AKAP6: variants seen among roughly 807,000 people sequenced by gnomAD.
AKAP6 encodes the protein A-kinase anchor protein 6.
In AKAP6, 58 loss-of-function variants were observed where a neutral mutation model predicts 188.5. The ratio of observed to expected loss-of-function variants is 0.31; its 90% CI spans 0.25 to 0.38. AKAP6 has a LOEUF of 0.38. Ranked by LOEUF, AKAP6 falls within the 10% of genes least tolerant of loss-of-function variation. AKAP6 has a pLI of 1.00. For synonymous variants in AKAP6, 989 were observed against 998.6 expected, an observed-to-expected ratio of 0.99 and a Z score of 0.18; for missense variants, 2,710 against 2,740.0, an observed-to-expected ratio of 0.99 and a Z score of 0.24.
rs146139124 is a variant in AKAP6, at chr14:32,571,195, G to T, written c.2347-5925G>T. On this transcript the variant is annotated intron_variant, in intron 4 of 13. Transcript: ENST00000280979. ...AGATGAGAGCATAATAGTTTAAAAGGTTCAACAGCAGAAGCTGACTTTTTT... is the reference window on the plus strand; with the variant it reads ...AGATGAGAGCATAATAGTTTAAAAGTTTCAACAGCAGAAGCTGACTTTTTT... Among the ~76,000 whole-genome samples, 508 of 151,720 alleles carry T rather than the reference G, an allele frequency of 3.3e-3. 1 individual carries two copies. Among genetic ancestry groups the T allele is most frequent in the African/African-American group, 0.012 (492 of 41,164 alleles).
chr14:32,409,066 G>A (rs549078918), intron 1 of AKAP6, among the ~76,000 whole-genome samples: 7 of 152,240 alleles, frequency 4.6e-5, no homozygotes, highest in Admixed American at 2.6e-4. Flanking sequence ...CAGGCATGGT[G>A]GCATACGCTT....
chr14:32,357,105 A>G (rs1471709876), intron 1 of AKAP6, among the ~76,000 whole-genome samples: 1 of 152,176 alleles, frequency 6.6e-6, no homozygotes, highest in Non-Finnish European at 1.5e-5. Context: ...AACTCTTACC[A>G]TGTGTAGTCA....
rs141819462 is a variant in AKAP6, at chr14:32,513,902, C to T, written c.325-21652C>T. Among the ~76,000 whole-genome samples, 305 of 152,132 alleles carry T rather than the reference C, an allele frequency of 2.0e-3. 7 individuals are homozygous for T. In the East Asian group the frequency reaches 0.051, roughly 26 times the overall value. On this transcript the variant is annotated intron_variant, in intron 2 of 13. Transcript: ENST00000280979. ...AATATGCCTTGAACATCTTCTGATG[C>T]GATTAAATATATTTTACAATGTTTT...
chr14:32,425,908 ATGAAATCTT>A (rs985512382), intron 1 of AKAP6, among the ~76,000 whole-genome samples: 1 of 152,190 alleles, frequency 6.6e-6, no homozygotes, highest in Non-Finnish European at 1.5e-5. Flanking sequence ...TGTCTTCATC[ATGAAATCTT>A]TGCCCATGCC....
At chr14:32,681,761 C>A (rs1889687110) in intron 8 of AKAP6, among the ~76,000 whole-genome samples, 1 of 150,326 alleles carries the variant, frequency 6.7e-6, no homozygotes, top group African/African-American at 2.5e-5. Flanking sequence ...CTCACTGCAG[C>A]CACAGCTTCT....
intron 1 of AKAP6, among the ~76,000 whole-genome samples, chr14:32,409,017 T>C (rs1415875973): frequency 1.3e-5 from 2 of 152,062 alleles, no homozygotes; most frequent in Non-Finnish European, 2.9e-5. Context: ...CTGGCCAACA[T>C]GGTGAAACCC....
chr14:32,435,597 G>A (rs1454966149), intron 2 of AKAP6, among the ~76,000 whole-genome samples: 1 of 152,168 alleles, frequency 6.6e-6, no homozygotes, highest in Non-Finnish European at 1.5e-5. Context: ...CCCTTAGTGT[G>A]GTCTGTCTCC....
At chr14:32,578,183 C>G (rs1411082247) in intron 5 of AKAP6, among the ~76,000 whole-genome samples, 3 of 151,956 alleles carry the variant, frequency 2.0e-5, no homozygotes, top group Non-Finnish European at 4.4e-5. Flanking sequence ...AACTGTTGTT[C>G]TCTATGATGT....
chr14:32,465,020 T>A (rs1468367463), intron 2 of AKAP6, among the ~76,000 whole-genome samples: 1 of 151,744 alleles, frequency 6.6e-6, no homozygotes, highest in Admixed American at 6.6e-5. Flanking sequence ...TACCAAGAAA[T>A]AAAACTTACA....
chr14:32,667,888 A>G (rs1889018005), intron 7 of AKAP6, among the ~76,000 whole-genome samples: 1 of 152,144 alleles, frequency 6.6e-6, no homozygotes, highest in Non-Finnish European at 1.5e-5. Flanking sequence ...ACTAGTGTGC[A>G]TGTCTTGCAG....
At chr14:32,687,271 T>C (rs1889962960) in intron 8 of AKAP6, among the ~76,000 whole-genome samples, 1 of 152,140 alleles carries the variant, frequency 6.6e-6, no homozygotes, top group Non-Finnish European at 1.5e-5. Flanking sequence ...AATTAAGCAA[T>C]ACGATATGTC....
rs199606835 is a variant in AKAP6 at position 32,822,338 on chromosome 14, T to C, written c.4525T>C (p.Cys1509Arg). The C allele has an allele frequency of 3.0e-5, 48 of 1,613,860 alleles. No homozygotes were observed. Among genetic ancestry groups the C allele is most frequent in the Non-Finnish European group, 3.6e-5 (43 of 1,179,956 alleles). Residue 1509 changes from cysteine to arginine, a missense_variant, in exon 13 of 14, where the codon TGC becomes CGC. Physicochemically the swap from Cys to Arg is radical, Grantham distance 180. Coordinates refer to ENST00000280979, the MANE Select transcript of AKAP6 (RefSeq NM_004274.5). Reference sequence around the variant, plus strand: ...TGGTTTTTATTTTGATAAAAAATCATGCAAATCTAAACATCAGACTACAGA... The same window carrying C: ...TGGTTTTTATTTTGATAAAAAATCACGCAAATCTAAACATCAGACTACAGA... ...LRGFYFDKKS[C>R]KSKHQTTELQ...
intron 12 of AKAP6, among the ~76,000 whole-genome samples, chr14:32,791,057 C>G (rs576684475): frequency 3.9e-5 from 6 of 152,122 alleles, no homozygotes; most frequent in African/African-American, 1.2e-4. Context: ...TTTGCTATTG[C>G]GAATAGTGCT....
chr14:32,420,088 T>C (rs1490081979), intron 1 of AKAP6, among the ~76,000 whole-genome samples: 2 of 152,132 alleles, frequency 1.3e-5, no homozygotes, highest in Non-Finnish European at 2.9e-5. Context: ...TATGTTTGCA[T>C]ACAAATAGTT....
intron 2 of AKAP6, among the ~76,000 whole-genome samples, chr14:32,449,559 A>G (rs2138769885): frequency 6.6e-6 from 1 of 151,988 alleles, no homozygotes; most frequent in African/African-American, 2.4e-5. Context: ...GAAAAGAATA[A>G]ATACTTTCTT....
intron 2 of AKAP6, among the ~76,000 whole-genome samples, chr14:32,516,566 T>C (rs1370943971): frequency 6.6e-6 from 1 of 152,204 alleles, no homozygotes; most frequent in East Asian, 1.9e-4. Flanking sequence ...TAAGATAGTA[T>C]TGCTATTCTG....
chr14:32,550,461 T>A (rs1228913586), intron 4 of AKAP6, among the ~76,000 whole-genome samples: 1 of 152,226 alleles, frequency 6.6e-6, no homozygotes. Context: ...TGATTGTTAA[T>A]GGTGGATAAT....
chr14:32,555,501 C>T (rs1057078071), intron 4 of AKAP6, among the ~76,000 whole-genome samples: 3 of 152,156 alleles, frequency 2.0e-5, no homozygotes, highest in Non-Finnish European at 4.4e-5. Flanking sequence ...TTTTTAAGTG[C>T]ACAGTTTAAG....
chr14:32,586,949 CGT>C (rs1257067987), intron 5 of AKAP6, among the ~76,000 whole-genome samples: 1 of 152,104 alleles, frequency 6.6e-6, no homozygotes, highest in African/African-American at 2.4e-5. Flanking sequence ...AAATTTGTAA[CGT>C]ATTACCAAAC....
Sources: gnomAD v4.1 joint callset for allele counts (sites outside exome capture counted in the v4.1 genomes callset) on GRCh38, gnomAD v4.1.1 for gene constraint, MANE v1.5 for transcripts, NCBI Gene and HGNC (gene_info 2026-07-23, HGNC 2026-07-21) for gene names.